Variants in MORC1 observed in about 807,000 individuals in gnomAD.
MORC1 encodes MORC family CW-type zinc finger 1, also known as MORC family CW-type zinc finger protein 1.
MORC1 carries 59 observed loss-of-function variants against 134.9 expected under a neutral mutation model. The observed-to-expected ratio is 0.44, with a 90% CI of 0.35 to 0.54. MORC1 has a LOEUF of 0.54. Among genes scored for constraint, MORC1 ranks in the 20% least tolerant of loss-of-function variants. The probability of loss-of-function intolerance (pLI) is 0.00; values close to 1 mark genes in which losing one functional copy is unlikely to be tolerated. For missense variants in MORC1, 947 were observed against 1,134.5 expected, an observed-to-expected ratio of 0.83 and a Z score of 2.37; for synonymous variants, 395 against 391.7, an observed-to-expected ratio of 1.01 and a Z score of -0.10.
chr3:109,115,473 GTTA>G (rs2107812219), intron 1 of MORC1, among the ~76,000 whole-genome samples: 1 of 151,920 alleles, frequency 6.6e-6, no homozygotes, highest in South Asian at 2.1e-4. Context: ...CTACTAAAAT[GTTA>G]TTGTTACAAA....
At chr3:109,061,718 T>C (rs1418720533) in intron 11 of MORC1, among the ~76,000 whole-genome samples, 2 of 152,184 alleles carry the variant, frequency 1.3e-5, no homozygotes, top group Non-Finnish European at 2.9e-5. Flanking sequence ...TTTAAAGAAA[T>C]GGGTTGTGAT....
chr3:109,085,184 G>C (rs973366694), intron 8 of MORC1, among the ~76,000 whole-genome samples: 2 of 151,646 alleles, frequency 1.3e-5, no homozygotes, highest in East Asian at 3.9e-4. Context: ...CTGTGTGTGT[G>C]TGTCTGTCTG....
intron 20 of MORC1, among the ~76,000 whole-genome samples, chr3:109,004,283 C>T (rs1262825525): frequency 1.3e-5 from 2 of 152,116 alleles, no homozygotes; most frequent in Non-Finnish European, 2.9e-5. Context: ...ACAATATCGA[C>T]TCTTTAAGGT....
In MORC1 at chr3:109,095,224, A is replaced by T. The variant is rs527631871; in HGVS notation, c.424-156T>A. Among the ~76,000 whole-genome samples the T allele has an allele frequency of 2.0e-5, 3 of 152,374 alleles. No individual in the cohort carries two copies. The South Asian group carries it at 6.2e-4, about 32-fold the overall frequency. On this transcript the variant is annotated intron_variant, in intron 6 of 27. Coordinates refer to ENST00000232603, the MANE Select transcript of MORC1 (RefSeq NM_014429.4). ...TATAATCTAGTTGTATAAGAGACAC[A>T]TAACAAATGTGTATAGACAGGATTG...
At chr3:109,028,992 C>T (rs905138748) in intron 16 of MORC1, among the ~76,000 whole-genome samples, 41 of 152,166 alleles carry the variant, frequency 2.7e-4, no homozygotes, top group Non-Finnish European at 4.9e-4. Context: ...GGGTGTTAGG[C>T]CAGGCAAGGG....
chr3:108,991,300 G>A (rs996123024), intron 21 of MORC1, among the ~76,000 whole-genome samples: 16 of 152,214 alleles, frequency 1.1e-4, no homozygotes, highest in African/African-American at 3.9e-4. Flanking sequence ...GTCCAGGTAA[G>A]AGATGTCAGT....
At position 109,005,058 on chromosome 3, in the gene MORC1, CAAT is replaced by C. The variant is rs1559886633; in HGVS notation, c.2013+9_2013+11del. 10 of 1,598,630 alleles carry C rather than the reference CAAT, an allele frequency of 6.3e-6. No homozygotes were observed. Among genetic ancestry groups the C allele is most frequent in the South Asian group, 1.1e-5 (1 of 87,840 alleles). On this transcript the variant is annotated intron_variant, in intron 19 of 27. Coordinates refer to ENST00000232603, the MANE Select transcript of MORC1 (RefSeq NM_014429.4). ...AGTGAATTGTTTTGTGAATAAGAAACAATAATAATACCTGGGATCTCTCAGCTA... is the reference window on the plus strand; with the variant it reads ...AGTGAATTGTTTTGTGAATAAGAAACAATAATACCTGGGATCTCTCAGCTA...
At chr3:109,000,855 C>T (rs755932940) in intron 20 of MORC1, among the ~76,000 whole-genome samples, 197 bp from the exon 21 acceptor site, 1 of 152,160 alleles carries the variant, frequency 6.6e-6, no homozygotes, top group Non-Finnish European at 1.5e-5. Flanking sequence ...TAATGCCATG[C>T]TGCTTAGGTT....
At chr3:108,963,730 T>C (rs1222393042) in intron 26 of MORC1, 122 bp from the exon 27 acceptor site, 1 of 662,484 alleles carries the variant, frequency 1.5e-6, no homozygotes, top group African/African-American at 1.9e-5. Context: ...TCGTAGGTGG[T>C]CTAAATTTAG....
At chr3:109,022,745 G>T (rs1332902938) in intron 17 of MORC1, among the ~76,000 whole-genome samples, 1 of 152,124 alleles carries the variant, frequency 6.6e-6, no homozygotes, top group Non-Finnish European at 1.5e-5. Context: ...CACCTTTCAG[G>T]AATTCTGCAT....
At chr3:108,997,358 C>A (rs1033171761) in intron 21 of MORC1, among the ~76,000 whole-genome samples, 6 of 152,054 alleles carry the variant, frequency 3.9e-5, no homozygotes, top group African/African-American at 1.2e-4. Flanking sequence ...ATGGAAAAAC[C>A]CTGTCTCTAT....
chr3:108,996,097 A>G (rs569533606), intron 21 of MORC1, among the ~76,000 whole-genome samples: 16 of 152,268 alleles, frequency 1.1e-4, no homozygotes, highest in South Asian at 4.2e-4. Flanking sequence ...TGTGACCTTT[A>G]GCAAGTTTAA....
intron 8 of MORC1, among the ~76,000 whole-genome samples, chr3:109,072,389 G>A (rs143832541): frequency 8.7e-4 from 133 of 152,102 alleles, no homozygotes; most frequent in African/African-American, 3.1e-3. Context: ...CCTCAGCCCC[G>A]AGAGAGATGA....
intron 26 of MORC1, among the ~76,000 whole-genome samples, chr3:108,965,955 C>A (rs767437153): frequency 2.0e-5 from 3 of 152,202 alleles, no homozygotes; most frequent in Non-Finnish European, 4.4e-5. Flanking sequence ...TCAAATTCTA[C>A]AGGCCAGCCT....
chr3:109,002,910 T>C (rs1948442495), intron 20 of MORC1, among the ~76,000 whole-genome samples: 1 of 152,238 alleles, frequency 6.6e-6, no homozygotes, highest in African/African-American at 2.4e-5. Flanking sequence ...ACTTGTCTTT[T>C]TAAAGTTCTT....
At chr3:109,087,745 C>CA (rs1317498767) in intron 8 of MORC1, among the ~76,000 whole-genome samples, 1 of 151,744 alleles carries the variant, frequency 6.6e-6, no homozygotes, top group Non-Finnish European at 1.5e-5. Context: ...CATACAGAAC[C>CA]AAAAAAAGAG....
intron 17 of MORC1, among the ~76,000 whole-genome samples, chr3:109,010,873 G>A (rs2107549366): frequency 6.6e-6 from 1 of 152,322 alleles, no homozygotes; most frequent in East Asian, 1.9e-4. Context: ...TCCACTGAAT[G>A]GACATGCCAT....
intron 22 of MORC1, among the ~76,000 whole-genome samples, chr3:108,986,424 GA>G (rs1456524311): frequency 6.6e-6 from 1 of 152,076 alleles, no homozygotes; most frequent in Non-Finnish European, 1.5e-5. Flanking sequence ...CCCTGGGCAT[GA>G]AAAAACTAAT....
chr3:109,005,442 G>C (rs753196807), intron 18 of MORC1, 127 bp from the exon 19 acceptor site: 1 of 855,816 alleles, frequency 1.2e-6, no homozygotes, highest in African/African-American at 1.8e-5. Context: ...TAAATCAGAA[G>C]CTTAGAAACA....
Sources: gnomAD v4.1 joint callset for allele counts (sites outside exome capture counted in the v4.1 genomes callset) on GRCh38, gnomAD v4.1.1 for gene constraint, MANE v1.5 for transcripts, NCBI Gene and HGNC (gene_info 2026-07-23, HGNC 2026-07-21) for gene names.